Variants in FLT1 observed in about 807,000 individuals in gnomAD.
FLT1 encodes the protein vascular endothelial growth factor receptor 1.
Under a neutral mutation model 156.3 loss-of-function variants are expected in FLT1, and 49 were observed. The ratio of observed to expected loss-of-function variants is 0.31; its 90% CI spans 0.25 to 0.40. The LOEUF (loss-of-function observed/expected upper bound fraction) is 0.40. Among genes scored for constraint, FLT1 ranks in the 10% least tolerant of loss-of-function variants. The probability of loss-of-function intolerance (pLI) is 1.00; values close to 1 mark genes in which losing one functional copy is unlikely to be tolerated. For missense variants in FLT1, 1,322 were observed against 1,637.2 expected, an observed-to-expected ratio of 0.81 and a Z score of 3.32; for synonymous variants, 594 against 583.8, an observed-to-expected ratio of 1.02 and a Z score of -0.25.
chr13:28,307,953 T>C (rs1870822429), intron 28 of FLT1, among the ~76,000 whole-genome samples: 1 of 152,206 alleles, frequency 6.6e-6, no homozygotes. Flanking sequence ...TTTGTGTTTT[T>C]AGTAGAGACT....
At chr13:28,479,337 T>G (rs1018846500) in intron 1 of FLT1, among the ~76,000 whole-genome samples, 2 of 152,222 alleles carry the variant, frequency 1.3e-5, no homozygotes, top group Non-Finnish European at 2.9e-5. Flanking sequence ...CAATTTGAAA[T>G]ATAATTGCCT....
intron 1 of FLT1, among the ~76,000 whole-genome samples, chr13:28,473,818 GAAAGAAAGA>G (rs1880376800): frequency 2.4e-5 from 3 of 126,244 alleles, no homozygotes; most frequent in South Asian, 2.4e-4. Flanking sequence ...AAGAAAGAAA[GAAAGAAAGA>G]AAGAAAGAAA....
intron 13 of FLT1, among the ~76,000 whole-genome samples, chr13:28,385,365 GC>G (rs1874298213): frequency 6.6e-6 from 1 of 152,178 alleles, no homozygotes; most frequent in African/African-American, 2.4e-5. Context: ...TAGTTTAGAA[GC>G]TATAAATCAA....
At position 28,322,804 on chromosome 13, in the gene FLT1, A is replaced by G. The variant is rs116741209; in HGVS notation, c.2939T>C (p.Val980Ala). 1 of 1,614,024 alleles carries G rather than the reference A, an allele frequency of 6.2e-7. No individual in the cohort carries two copies. The highest frequency in any genetic ancestry group is 1.3e-5 in the African/African-American group (1 of 75,040). The change falls in exon 21 of 30, where the codon GTT (valine) becomes GCT (alanine). Residue 980 changes from valine to alanine, a missense_variant. Val to Ala is a moderately conservative substitution (Grantham distance 64). Transcript: ENST00000282397. This position sits in a 1 kb window ranked among gnomAD's most constrained non-coding sequence, Gnocchi z 4.3. The stretch of plus-strand genomic sequence containing the variant: ...TTAATACCTACCCTCCTCTTCCTCA[A>G]CATCACTCAGACTTTTATCTTCCTG... ...GFQEDKSLSD[V>A]EEEEDSDGFY...
At chr13:28,441,536 T>C (rs1235571172) in intron 3 of FLT1, among the ~76,000 whole-genome samples, 3 of 152,232 alleles carry the variant, frequency 2.0e-5, no homozygotes, top group African/African-American at 4.8e-5. Context: ...TCGCTGCTGG[T>C]ACCAGTAGGT....
intron 18 of FLT1, among the ~76,000 whole-genome samples, chr13:28,333,488 T>A (rs1363053138): frequency 6.6e-6 from 1 of 152,190 alleles, no homozygotes. Flanking sequence ...AGTAGTAGTA[T>A]CTTTCAACAC....
At chr13:28,325,816 C>CAAAAA (rs377427677) in intron 20 of FLT1, among the ~76,000 whole-genome samples, 7 of 71,158 alleles carry the variant, frequency 9.8e-5, no homozygotes, top group Admixed American at 1.9e-4. Flanking sequence ...AACTCTGTCT[C>CAAAAA]AAAAAAAAAA....
intron 1 of FLT1, among the ~76,000 whole-genome samples, chr13:28,489,139 T>G (rs1246134329): frequency 6.6e-6 from 1 of 152,074 alleles, no homozygotes; most frequent in East Asian, 1.9e-4. Context: ...TCATAGCTGA[T>G]CTCATACATC....
intron 25 of FLT1, among the ~76,000 whole-genome samples, chr13:28,312,638 G>T (rs1465799440): frequency 6.6e-6 from 1 of 152,154 alleles, no homozygotes; most frequent in Admixed American, 6.5e-5. Context: ...GCATTTCCAA[G>T]TCCTCACACC....
At chr13:28,455,265 T>C (rs192658276) in intron 3 of FLT1, among the ~76,000 whole-genome samples, 58 of 152,284 alleles carry the variant, frequency 3.8e-4, no homozygotes, top group African/African-American at 1.4e-3. Flanking sequence ...AAAGCTATAG[T>C]AATCAAGACA....
intron 1 of FLT1, among the ~76,000 whole-genome samples, chr13:28,487,430 T>C (rs147273700): frequency 1.3e-5 from 2 of 152,366 alleles, no homozygotes; most frequent in East Asian, 3.8e-4. Flanking sequence ...TGATAATTGT[T>C]GTAGCTCTGC....
chr13:28,361,262 G>A (rs978222398), intron 14 of FLT1, among the ~76,000 whole-genome samples: 1 of 151,634 alleles, frequency 6.6e-6, no homozygotes, highest in African/African-American at 2.4e-5. Context: ...CTGGGTGACA[G>A]AGCAAGACTC....
intron 14 of FLT1, among the ~76,000 whole-genome samples, chr13:28,372,575 T>A (rs1377020915): frequency 2.8e-5 from 1 of 35,372 alleles, no homozygotes; most frequent in Non-Finnish European, 5.8e-5. Flanking sequence ...TGTATATATA[T>A]ATATATATAT....
At chr13:28,473,785 A>AGG (rs1880360585) in intron 1 of FLT1, among the ~76,000 whole-genome samples, 2 of 84,638 alleles carry the variant, frequency 2.4e-5, no homozygotes, top group South Asian at 4.4e-4. Context: ...AAGGAAAGAA[A>AGG]GAAAGAAAGA....
intron 14 of FLT1, chr13:28,368,415 G>A (rs1490662036): frequency 1.9e-5 from 27 of 1,421,360 alleles, no homozygotes; most frequent in Non-Finnish European, 2.5e-5. Context: ...GCCTCCCAAA[G>A]TGCTGGGATT....
chr13:28,436,855 A>T (rs889833315), intron 4 of FLT1, among the ~76,000 whole-genome samples: 13 of 152,190 alleles, frequency 8.5e-5, no homozygotes, highest in African/African-American at 3.1e-4. Flanking sequence ...GTGAGGTGGT[A>T]CTATTGTCAT....
Position 28,431,311 on chromosome 13 carries a change from C to T in FLT1, c.814-1G>A. 6.2e-7 allele frequency: 1 copy of T among 1,610,596 alleles called. No individual in the cohort carries two copies. The highest frequency in any genetic ancestry group is 8.5e-7 in the Non-Finnish European group (1 of 1,176,944). On this transcript the variant is annotated splice_acceptor_variant, in intron 6 of 29. Coordinates refer to ENST00000282397, the MANE Select transcript of FLT1 (RefSeq NM_002019.4). LOFTEE classifies it high-confidence loss of function. ...GCCTTACGGAAGCTCTCTTATTTTT[C>T]TAGAAAGAAAATGTATAACAAATGT...
At chr13:28,400,374 A>T (rs915121573) in intron 11 of FLT1, among the ~76,000 whole-genome samples, 4 of 152,356 alleles carry the variant, frequency 2.6e-5, no homozygotes, top group Admixed American at 2.6e-4. Flanking sequence ...GAAAAGTTAA[A>T]AATAAGGTGA....
At chr13:28,316,361 T>C (rs1566281911) in intron 25 of FLT1, among the ~76,000 whole-genome samples, 1 of 152,214 alleles carries the variant, frequency 6.6e-6, no homozygotes, top group African/African-American at 2.4e-5. Context: ...AGGACCCCAT[T>C]GTGTGGGTGG....
Sources: allele counts gnomAD v4.1 joint callset (sites outside exome capture counted in the v4.1 genomes callset), GRCh38; gene constraint gnomAD v4.1.1; non-coding constraint Gnocchi (gnomAD v3.1); transcripts MANE v1.5; gene names NCBI Gene and HGNC (gene_info 2026-07-23, HGNC 2026-07-21).